TPH1: variants seen among roughly 807,000 people sequenced by gnomAD.
The protein encoded by TPH1 is tryptophan 5-hydroxylase 1.
A neutral mutation model predicts 49.5 loss-of-function variants in TPH1; 37 were observed. The ratio of observed to expected loss-of-function variants is 0.75; its 90% confidence interval spans 0.58 to 0.98. TPH1 has a LOEUF of 0.98. TPH1 is among the 50% of genes least tolerant of loss of function. The pLI, the probability that TPH1 is intolerant of heterozygous loss-of-function variation, is 0.00. For missense variants in TPH1, 487 were observed against 523.6 expected (o/e 0.93, Z 0.68); for synonymous variants, 160 against 182.1 (o/e 0.88, Z 0.98).
At position 18,029,281 on chromosome 11, in the gene TPH1, A is replaced by G; in HGVS notation, c.551T>C (p.Leu184Pro). Residue 184 changes from leucine to proline, a missense_variant, in exon 6 of 11, where the codon CTC becomes CCC. By Grantham distance (98) the Leu-to-Pro change is moderately conservative (BLOSUM62 -3). Coordinates refer to ENST00000682019, the MANE Select transcript of TPH1 (RefSeq NM_004179.3). ...CTCTCTGCAAGCATGGGTTGGGTAG[A>G]GTTTGTTGAGCTCTTGGAATACGGT... ...WGTVFQELNKLYPTHACREYL... is the reference protein window; with the variant it reads ...WGTVFQELNKPYPTHACREYL... 1 of 1,614,054 alleles carries G rather than the reference A, an allele frequency of 6.2e-7. No individual in the cohort carries two copies. Among genetic ancestry groups the G allele is most frequent in the Non-Finnish European group, 8.5e-7 (1 of 1,179,966 alleles).
chr11:18,042,062 A>T (rs941250400), intron 1 of TPH1, among the ~76,000 whole-genome samples: 4 of 152,178 alleles, frequency 2.6e-5, no homozygotes, highest in Non-Finnish European at 5.9e-5. Context: ...AGTACACTCA[A>T]CCACCCCTCA....
In TPH1 at chr11:18,031,123, C is replaced by T. The variant is rs543262790; in HGVS notation, c.403-1544G>A. On this transcript the variant is annotated intron_variant, in intron 4 of 10. Transcript: ENST00000682019. ...CATTAGCAATCACTCTCCAACTCCA[C>T]CCCAACCCTCCTCAGCTCCTGGCAA... 2.6e-5 allele frequency among the ~76,000 whole-genome samples: 4 copies of T among 152,300 alleles called. No homozygotes were observed. The East Asian group carries it at 7.7e-4, about 29-fold the overall frequency.
rs1182761393 is a variant in TPH1, at chr11:18,020,946, G to A, written c.*45C>T. The stretch of plus-strand genomic sequence containing the variant: ...TTCAAGGAAAGCAAGAGATGGCCCA[G>A]ACCTCCGAATTGATGCTCAAATGTT... On this transcript the variant is annotated 3_prime_UTR_variant, in exon 11 of 11. Coordinates refer to ENST00000682019, the MANE Select transcript of TPH1 (RefSeq NM_004179.3). 2 of 1,595,446 alleles carry A rather than the reference G, an allele frequency of 1.3e-6. No individual in the cohort carries two copies. The highest frequency in any genetic ancestry group is 1.7e-6 in the Non-Finnish European group (2 of 1,163,476).
chr11:18,044,779 A>AAAG (rs1395303529), intron 1 of TPH1, among the ~76,000 whole-genome samples: 6 of 152,124 alleles, frequency 3.9e-5, no homozygotes, highest in Non-Finnish European at 7.4e-5. Context: ...ACAAAACAAA[A>AAAG]AAACACAATA....
chr11:18,020,225 T>G lies in TPH1; in HGVS notation c.*766A>C, dbSNP rs1320866454. On this transcript the variant is annotated 3_prime_UTR_variant, in exon 11 of 11. Coordinates refer to ENST00000682019, the MANE Select transcript of TPH1 (RefSeq NM_004179.3). ...GATAGATAGTCCAGAATAAAACCAG[T>G]ATCGTGTGATGTCATTGAAAGAAAA... 1 of 154,082 alleles carries G rather than the reference T, an allele frequency of 6.5e-6. No homozygotes were observed. Among genetic ancestry groups the G allele is most frequent in the South Asian group, 2.0e-4 (1 of 4,956 alleles). The allele number at this position is 154,082 out of a possible 1,614,324, so 9.5% of individuals were successfully genotyped here.
Position 18,036,034 on chromosome 11 carries a change from TATC to T in TPH1, c.223_225del (p.Asp75del). The T allele has an allele frequency of 1.2e-6, 2 of 1,612,886 alleles. No homozygotes were observed. Among genetic ancestry groups the T allele is most frequent in the African/African-American group, 2.7e-5 (2 of 75,002 alleles). On this transcript the variant is annotated inframe_deletion, in exon 3 of 11. Transcript: ENST00000682019. ...GTATGAGACTTCAGCAGATGAAAAA[TATC>T]ATTCAATTGTTCTCTGTTGATGTCA...
At chr11:18,045,170 T>G (rs1025363858) in intron 1 of TPH1, among the ~76,000 whole-genome samples, 2 of 152,226 alleles carry the variant, frequency 1.3e-5, no homozygotes, top group African/African-American at 4.8e-5. Context: ...TGGATATTGT[T>G]TGAAGACAGA....
chr11:18,036,607 T>C (rs1269646958), intron 2 of TPH1, among the ~76,000 whole-genome samples: 1 of 152,168 alleles, frequency 6.6e-6, no homozygotes, highest in Non-Finnish European at 1.5e-5. Context: ...TAAGCTACAA[T>C]CTTAGTAACA....
chr11:18,044,771 A>G (rs1351401737), intron 1 of TPH1, among the ~76,000 whole-genome samples: 1 of 125,410 alleles, frequency 8.0e-6, no homozygotes, highest in Non-Finnish European at 1.8e-5. Context: ...AAAACAAAAC[A>G]AAACAAAAAA....
At chr11:18,030,302 G>A (rs1440113744) in intron 4 of TPH1, among the ~76,000 whole-genome samples, 1 of 151,994 alleles carries the variant, frequency 6.6e-6, no homozygotes, top group African/African-American at 2.4e-5. Context: ...CATGCCTGTT[G>A]TCCCAGCTCC....
chr11:18,029,615 TA>T (rs752787064), intron 4 of TPH1, 36 bp from the exon 5 acceptor site: 9 of 1,511,334 alleles, frequency 6.0e-6, no homozygotes, highest in Non-Finnish European at 8.3e-6. Context: ...ATATCCATAC[TA>T]AAAAATACTT....
chr11:18,037,957 A>G (rs1039707634), intron 2 of TPH1, among the ~76,000 whole-genome samples: 5 of 152,244 alleles, frequency 3.3e-5, no homozygotes, highest in African/African-American at 7.2e-5. Context: ...CAAGAAAGGA[A>G]GAGTCACAAA....
chr11:18,029,541 A>G lies in TPH1; in HGVS notation c.441T>C (p.Tyr147=), dbSNP rs1847963921. 3 of 1,613,144 alleles carry G rather than the reference A, an allele frequency of 1.9e-6. No individual in the cohort carries two copies. The highest frequency in any genetic ancestry group is 3.3e-5 in the Admixed American group (2 of 59,998). Residue 147 remains tyrosine, a synonymous_variant, in exon 5 of 11, where the codon TAT becomes TAC. Transcript: ENST00000682019. ...KDNVYRKRRK[Y]FADLAMNYKH... ...TATAGTTCATAGCCAAGTCCGCAAA[A>G]TACTTTCGACGTTTACGGTAGACAT...
rs10832872 is a variant in TPH1, at chr11:18,018,013, G to A, written c.*2978C>T. 0.32 allele frequency: 48,704 copies of A among 150,806 alleles called. 9,308 individuals carry two copies. The highest frequency in any genetic ancestry group is 0.48 in the East Asian group (2,420 of 5,066). 9.3% of individuals were successfully genotyped at this position (150,806 alleles called of 1,614,324 possible). A position where few individuals can be genotyped will look rare whatever the true frequency, so the allele number is the denominator to read the frequency against. Reference sequence around the variant, plus strand: ...AGGCCGAGGCGGATGGATCACCTGCGGTCAGAAGTTCGAGACCAGCCTGGC... The same window carrying A: ...AGGCCGAGGCGGATGGATCACCTGCAGTCAGAAGTTCGAGACCAGCCTGGC... On this transcript the variant is annotated 3_prime_UTR_variant, in exon 11 of 11. Transcript: ENST00000682019.
chr11:18,042,549 T>C, intron 1 of TPH1: 2 of 270,048 alleles, frequency 7.4e-6, no homozygotes, highest in South Asian at 7.3e-5. Context: ...ACCTCTTTAT[T>C]TGCAAACTTG....
Position 18,019,746 on chromosome 11 carries a change from G to T in TPH1, c.*1245C>A. The T allele has an allele frequency of 2.2e-6, 1 of 458,322 alleles. No homozygotes were observed. 28.4% of individuals were successfully genotyped at this position (458,322 alleles called of 1,614,324 possible). A position where few individuals can be genotyped will look rare whatever the true frequency, so the allele number is the denominator to read the frequency against. ...AACATCTTCATTTAGTGACTAGAGG[G>T]AGGAAAGGGGCAAATTAAAGAGACA... is the stretch of plus-strand genomic sequence containing the variant. On this transcript the variant is annotated 3_prime_UTR_variant, in exon 11 of 11. Transcript: ENST00000682019.
At chr11:18,041,498 A>C (rs1848098211) in intron 1 of TPH1, among the ~76,000 whole-genome samples, 1 of 152,202 alleles carries the variant, frequency 6.6e-6, no homozygotes, top group African/African-American at 2.4e-5. Flanking sequence ...TAACCTTTCT[A>C]ATATAAAACT....
intron 4 of TPH1, among the ~76,000 whole-genome samples, chr11:18,030,027 A>T (rs1303843156): frequency 3.3e-5 from 5 of 152,054 alleles, no homozygotes; most frequent in Non-Finnish European, 5.9e-5. Context: ...ACAAAATGCA[A>T]ATATATTTGC....
intron 2 of TPH1, among the ~76,000 whole-genome samples, chr11:18,036,842 T>C (rs1233724507): frequency 6.6e-6 from 1 of 152,172 alleles, no homozygotes; most frequent in African/African-American, 2.4e-5. Flanking sequence ...CAGTGCATCC[T>C]AAAATAACTT....
Sources: gnomAD v4.1 joint callset for allele counts (sites outside exome capture counted in the v4.1 genomes callset) on GRCh38, gnomAD v4.1.1 for gene constraint, MANE v1.5 for transcripts, NCBI Gene and HGNC (gene_info 2026-07-23, HGNC 2026-07-21) for gene names.